AGTRAP: variants seen among roughly 807,000 people sequenced by gnomAD.
The protein encoded by AGTRAP is type-1 angiotensin II receptor-associated protein.
In AGTRAP, 7 loss-of-function variants were observed where a neutral mutation model predicts 15.2. That is an observed-to-expected ratio of 0.46 (90% CI 0.26 to 0.87). The LOEUF is 0.87. AGTRAP is among the 40% of genes least tolerant of loss of function. AGTRAP has a pLI of 0.15. For synonymous variants in AGTRAP, 74 were observed against 89.6 expected (o/e 0.83, Z 0.98); for missense variants, 187 against 213.4 (o/e 0.88, Z 0.77).
chr1:11,744,340 G>A (rs1041761345), intron 1 of AGTRAP, among the ~76,000 whole-genome samples: 1 of 152,142 alleles, frequency 6.6e-6, no homozygotes, highest in Admixed American at 6.6e-5. Context: ...GGATTTTGTT[G>A]TTGTTTTTCC....
chr1:11,744,527 C>G, intron 1 of AGTRAP: 1 of 716,182 alleles, frequency 1.4e-6, no homozygotes, highest in Non-Finnish European at 2.6e-6. Flanking sequence ...CCTCTGCCCC[C>G]CACAGTGCGC....
chr1:11,749,177 G>A (rs560565538), intron 4 of AGTRAP, among the ~76,000 whole-genome samples: 1 of 152,286 alleles, frequency 6.6e-6, no homozygotes, highest in Non-Finnish European at 1.5e-5. Flanking sequence ...CCTCTCCCAC[G>A]CCCTCTCTGA....
At chr1:11,744,912 T>C (rs1170659156) in intron 1 of AGTRAP, among the ~76,000 whole-genome samples, 1 of 152,178 alleles carries the variant, frequency 6.6e-6, no homozygotes, top group African/African-American at 2.4e-5. Context: ...TGGAGTGCAA[T>C]GGCACAATCT....
intron 3 of AGTRAP, 141 bp downstream of exon 3, chr1:11,747,686 T>C: frequency 2.3e-6 from 2 of 887,050 alleles, no homozygotes; most frequent in Non-Finnish European, 1.7e-6. Context: ...AGCCTGTTCA[T>C]CAGCCTCCTG....
intron 2 of AGTRAP, chr1:11,746,273 G>A (rs201705700): frequency 6.8e-7 from 1 of 1,466,950 alleles, no homozygotes; most frequent in African/African-American, 1.4e-5. Flanking sequence ...TGAGAAGCAG[G>A]GCCAAAATAC....
intron 1 of AGTRAP, among the ~76,000 whole-genome samples, chr1:11,740,699 C>T (rs1402462626): frequency 6.6e-6 from 1 of 152,190 alleles, no homozygotes; most frequent in Non-Finnish European, 1.5e-5. Flanking sequence ...CCATTCTTTC[C>T]GGAATAATCC....
intron 1 of AGTRAP, among the ~76,000 whole-genome samples, chr1:11,740,589 A>G (rs1282744260): frequency 6.6e-6 from 1 of 152,190 alleles, no homozygotes; most frequent in African/African-American, 2.4e-5. Context: ...AGGCCCTTCC[A>G]GCGCTAGGAA....
chr1:11,739,782 C>G (rs2100762611), intron 1 of AGTRAP, among the ~76,000 whole-genome samples: 1 of 152,304 alleles, frequency 6.6e-6, no homozygotes, highest in East Asian at 1.9e-4. Context: ...GATGCAGGAT[C>G]CCTGCCCCAC....
chr1:11,749,065 C>T (rs368128868), intron 4 of AGTRAP, among the ~76,000 whole-genome samples: 49 of 152,308 alleles, frequency 3.2e-4, no homozygotes, highest in African/African-American at 8.4e-4. Context: ...GGGCAGAGCC[C>T]GTGCCAGTGT....
At position 11,745,015 on chromosome 1, in the gene AGTRAP, C is replaced by T. The variant is rs561983175; in HGVS notation, c.28-788C>T. On this transcript the variant is annotated intron_variant, in intron 1 of 4. Coordinates refer to ENST00000314340, the MANE Select transcript of AGTRAP (RefSeq NM_020350.5). The surrounding 1 kb of genome is among the most constrained non-coding windows in gnomAD (Gnocchi z 4.2). ...GATTACAGGCACACACCACCATGCC[C>T]GGCTAATTTTTGTATTTTTAGTAGA... 2.2e-4 allele frequency among the ~76,000 whole-genome samples: 33 copies of T among 151,874 alleles called. No individual in the cohort carries two copies. Among genetic ancestry groups the T allele is most frequent in the Non-Finnish European group, 3.4e-4 (23 of 67,940 alleles).
At chr1:11,741,262 C>A (rs1203464224) in intron 1 of AGTRAP, among the ~76,000 whole-genome samples, 1 of 152,150 alleles carries the variant, frequency 6.6e-6, no homozygotes, top group Non-Finnish European at 1.5e-5. Context: ...ACCCTCCCAG[C>A]CTCCCTGCTG....
intron 4 of AGTRAP, 83 bp downstream of exon 4, chr1:11,748,693 C>G: frequency 6.7e-7 from 1 of 1,490,170 alleles, no homozygotes; most frequent in Non-Finnish European, 9.0e-7. Context: ...AGTGAGCCAG[C>G]CTTGCCCCAT....
intron 1 of AGTRAP, among the ~76,000 whole-genome samples, chr1:11,736,740 C>T (rs572121031): frequency 6.6e-6 from 1 of 152,366 alleles, no homozygotes; most frequent in Admixed American, 6.5e-5. Context: ...ACATCCAGCG[C>T]CCTTATTTCA....
At chr1:11,749,076 A>T (rs544043894) in intron 4 of AGTRAP, among the ~76,000 whole-genome samples, 1 of 152,180 alleles carries the variant, frequency 6.6e-6, no homozygotes, top group Non-Finnish European at 1.5e-5. Flanking sequence ...GTGCCAGTGT[A>T]GGCTGTGGGA....
intron 1 of AGTRAP, chr1:11,744,711 G>C (rs748657242): frequency 2.0e-5 from 11 of 562,474 alleles, no homozygotes; most frequent in Non-Finnish European, 3.2e-5. Flanking sequence ...CTTGGATCTC[G>C]CACAAGGAAG....
chr1:11,747,519 C>A lies in AGTRAP; in HGVS notation c.142C>A (p.Arg48=). The change falls in exon 3 of 5, where the codon CGG becomes AGG. Residue 48 remains arginine, a synonymous_variant. Transcript: ENST00000314340. The part of the protein sequence containing the change: ...LALGVWAVAQ[R]DSIDAISMFL... ...CTTGGGCGTGTGGGCTGTGGCTCAG[C>A]GGGACTCCATCGACGCCATAAGCAT... 2 of 1,614,044 alleles carry A rather than the reference C, an allele frequency of 1.2e-6. No homozygotes were observed. Among genetic ancestry groups the A allele is most frequent in the Non-Finnish European group, 1.7e-6 (2 of 1,179,984 alleles).
chr1:11,737,311 G>T (rs1392954792), intron 1 of AGTRAP, among the ~76,000 whole-genome samples: 11 of 152,186 alleles, frequency 7.2e-5, no homozygotes, highest in Non-Finnish European at 2.9e-5. Flanking sequence ...ACGTTCAGCT[G>T]GGAAGAAATT....
chr1:11,745,691 C>A lies in AGTRAP; in HGVS notation c.28-112C>A. 3 of 1,116,054 alleles carry A rather than the reference C, an allele frequency of 2.7e-6. No homozygotes were observed. Among genetic ancestry groups the A allele is most frequent in the Non-Finnish European group, 4.1e-6 (3 of 730,974 alleles). 69.1% of individuals were successfully genotyped at this position (1,116,054 alleles called of 1,614,324 possible). On this transcript the variant is annotated intron_variant, in intron 1 of 4. Transcript: ENST00000314340. The surrounding 1 kb of genome is among the most constrained non-coding windows in gnomAD (Gnocchi z 4.2). ...GCCTTTTCAACAGACATTACTGAGG[C>A]CCTCAGAGGTGCCAGGCGCAGGGGC...
At chr1:11,743,046 G>T (rs1642071076) in intron 1 of AGTRAP, among the ~76,000 whole-genome samples, 1 of 152,174 alleles carries the variant, frequency 6.6e-6, no homozygotes, top group South Asian at 2.1e-4. Flanking sequence ...CCCAATTTGG[G>T]GCTCCTGGCC....
Sources: allele counts gnomAD v4.1 joint callset (sites outside exome capture counted in the v4.1 genomes callset), GRCh38; gene constraint gnomAD v4.1.1; non-coding constraint Gnocchi (gnomAD v3.1); transcripts MANE v1.5; gene names NCBI Gene and HGNC (gene_info 2026-07-23, HGNC 2026-07-21).